The following IMPDH2 variants were observed in gnomAD, a reference collection of about 807,000 sequenced individuals.
IMPDH2 encodes the protein inosine monophosphate dehydrogenase 2.
IMPDH2 carries 33 observed loss-of-function variants against 57.8 expected under a neutral mutation model. That is an observed-to-expected ratio of 0.57 (90% CI 0.43 to 0.76). The LOEUF (loss-of-function observed/expected upper bound fraction) is 0.76, where lower values mean the gene tolerates loss of function less well. Ranked by LOEUF, IMPDH2 falls within the 30% of genes least tolerant of loss-of-function variation. IMPDH2 has a pLI of 0.00. For synonymous variants in IMPDH2, 270 were observed against 241.3 expected, an observed-to-expected ratio of 1.12 and a Z score of -1.10; for missense variants, 446 against 659.1, an observed-to-expected ratio of 0.68 and a Z score of 3.54.
At position 49,029,321 on chromosome 3, in the gene IMPDH2, C is replaced by T. The variant is rs148437510; in HGVS notation, c.30G>A (p.Thr10=). MADYLISGG[T]SYVPDDGLTA... Reference sequence around the variant, plus strand: ...TGAGTCCGTCGTCTGGCACGTAGGACGTGCCCCCACTAATCAGGTAGTCGG... The same window carrying T: ...TGAGTCCGTCGTCTGGCACGTAGGATGTGCCCCCACTAATCAGGTAGTCGG... Residue 10 remains threonine, a synonymous_variant, in exon 1 of 14, where the codon ACG becomes ACA. Coordinates refer to ENST00000326739, the MANE Select transcript of IMPDH2 (RefSeq NM_000884.3). 5.0e-6 allele frequency: 8 copies of T among 1,604,652 alleles called. No homozygotes were observed. The highest frequency in any genetic ancestry group is 1.7e-5 in the Admixed American group (1 of 58,216).
chr3:49,028,039 A>G, intron 4 of IMPDH2, 123 bp from the exon 5 acceptor site: 5 of 840,646 alleles, frequency 5.9e-6, no homozygotes, highest in Admixed American at 2.1e-5. Flanking sequence ...AAATCACACC[A>G]ACACATCTTA....
intron 4 of IMPDH2, 51 bp downstream of exon 4, chr3:49,028,194 CCCA>C (rs2093207696): frequency 7.0e-7 from 1 of 1,437,810 alleles, no homozygotes; most frequent in Non-Finnish European, 9.8e-7. Context: ...CCCACCCCAC[CCCA>C]CCTCAGTGCA....
Position 49,026,316 on chromosome 3 carries a change from A to G in IMPDH2, c.1006+8T>C. 1 of 1,591,962 alleles carries G rather than the reference A, an allele frequency of 6.3e-7. No homozygotes were observed. The highest frequency in any genetic ancestry group is 8.6e-7 in the Non-Finnish European group (1 of 1,164,390). On this transcript the variant is annotated splice_region_variant and intron_variant, in intron 9 of 13. Coordinates refer to ENST00000326739, the MANE Select transcript of IMPDH2 (RefSeq NM_000884.3). Reference sequence around the variant, plus strand: ...GTCTCTGTGGGCCCTATCAAAGTATATTCTTACCTTCCTGCGTAATGCAGA... The same window carrying G: ...GTCTCTGTGGGCCCTATCAAAGTATGTTCTTACCTTCCTGCGTAATGCAGA...
chr3:49,028,917 G>C, intron 1 of IMPDH2, 111 bp from the exon 2 acceptor site: 1 of 871,616 alleles, frequency 1.1e-6, no homozygotes, highest in Non-Finnish European at 1.9e-6. Flanking sequence ...GAGTGGCACT[G>C]ACAGAGTCTG....
Position 49,027,862 on chromosome 3 carries a change from C to G in IMPDH2, c.379G>C (p.Val127Leu), listed in dbSNP as rs370186875. 1.9e-6 allele frequency: 3 copies of G among 1,614,188 alleles called. No homozygotes were observed. The highest frequency in any genetic ancestry group is 2.2e-5 in the East Asian group (1 of 44,884). ...GCCTTGGCCTCAAAAACATCCCGCA[C>G]GCGATCCTTGGGGCTGAGGACCACA... ...DPVVLSPKDR[V>L]RDVFEAKARH... Residue 127 changes from valine (V) to leucine (L), a missense_variant, in exon 5 of 14, where the codon GTG (valine) becomes CTG (leucine). Val to Leu is a conservative substitution (Grantham distance 32, BLOSUM62 1). Coordinates refer to ENST00000326739, the MANE Select transcript of IMPDH2 (RefSeq NM_000884.3).
intron 9 of IMPDH2, 80 bp downstream of exon 9, chr3:49,026,243 TC>T (rs2093198884): frequency 1.0e-5 from 11 of 1,058,228 alleles, no homozygotes; most frequent in Non-Finnish European, 1.6e-5. Context: ...GGCTCTATTG[TC>T]CCCATAAGAG....
Position 49,027,067 on chromosome 3 carries a change from TGAA to T in IMPDH2, c.532-23_532-21del, listed in dbSNP as rs1165014007. On this transcript the variant is annotated intron_variant, in intron 5 of 13. Coordinates refer to ENST00000326739, the MANE Select transcript of IMPDH2 (RefSeq NM_000884.3). The stretch of plus-strand genomic sequence containing the variant: ...CATTATCTACGTGGGAGGTGAGATG[TGAA>T]GAAGGGCCAGTCATCGACTATGACC... 5 of 1,557,212 alleles carry T rather than the reference TGAA, an allele frequency of 3.2e-6. No homozygotes were observed. The highest frequency in any genetic ancestry group is 4.4e-6 in the Non-Finnish European group (5 of 1,128,214).
In IMPDH2 at chr3:49,024,989, A is replaced by T. The variant is rs1193569034; in HGVS notation, c.1202T>A (p.Phe401Tyr). Reference protein sequence around the residue: ...AATTEAPGEYFFSDGIRLKKY... With the variant: ...AATTEAPGEYYFSDGIRLKKY... ...CTTTAGCCGGATCCCATCGGAAAAG[A>T]AGTATTCACCAGGGGCCTCAGTGGT... Residue 401 changes from phenylalanine (F) to tyrosine (Y), a missense_variant, in exon 11 of 14, where the codon TTC becomes TAC. Transcript: ENST00000326739. 2 of 1,614,120 alleles carry T rather than the reference A, an allele frequency of 1.2e-6. No individual in the cohort carries two copies. The highest frequency in any genetic ancestry group is 1.7e-5 in the Admixed American group (1 of 60,008).
chr3:49,026,411 C>T lies in IMPDH2; in HGVS notation c.919G>A (p.Ala307Thr), dbSNP rs768864324. ...TCAATGAGGTTCTTGGCCTGGGCAG[C>T]AGTGACCACTATGGTGAAGGAAAGG... ...LQVIGGNVVTAAQAKNLIDAG... is the reference protein window; with the variant it reads ...LQVIGGNVVTTAQAKNLIDAG... Residue 307 changes from alanine to threonine, a missense_variant, in exon 9 of 14, where the codon GCT (alanine) becomes ACT (threonine). Coordinates refer to ENST00000326739, the MANE Select transcript of IMPDH2 (RefSeq NM_000884.3). 6.2e-7 allele frequency: 1 copy of T among 1,613,570 alleles called. No homozygotes were observed. The highest frequency in any genetic ancestry group is 8.5e-7 in the Non-Finnish European group (1 of 1,179,704).
Position 49,027,850 on chromosome 3 carries a change from A to G in IMPDH2, c.391T>C (p.Phe131Leu). ...LSPKDRVRDV[F>L]EAKARHGFCG... is the part of the protein sequence containing the mutation. ...AAACCATGCCGGGCCTTGGCCTCAA[A>G]AACATCCCGCACGCGATCCTTGGGG... Residue 131 changes from phenylalanine to leucine, a missense_variant, in exon 5 of 14, where the codon TTT becomes CTT. Coordinates refer to ENST00000326739, the MANE Select transcript of IMPDH2 (RefSeq NM_000884.3). 6.2e-7 allele frequency: 1 copy of G among 1,614,220 alleles called. No individual in the cohort carries two copies.
In IMPDH2 at chr3:49,026,972, G is replaced by A. The variant is rs769004042; in HGVS notation, c.607C>T (p.Arg203Cys). The change falls in exon 6 of 14, where the codon CGC (arginine) becomes TGC (cysteine). Residue 203 changes from arginine (R) to cysteine (C), a missense_variant. Transcript: ENST00000326739. Reference protein sequence around the residue: ...TLKEANEILQRSKKGKLPIVN... With the variant: ...TLKEANEILQCSKKGKLPIVN... ...CTCTAGGACTTACCCTTCTTGCTGCGCTGCAGAATTTCATTTGCCTCCTTC... is the reference window on the plus strand; with the variant it reads ...CTCTAGGACTTACCCTTCTTGCTGCACTGCAGAATTTCATTTGCCTCCTTC... 5.0e-6 allele frequency: 8 copies of A among 1,613,894 alleles called. No individual in the cohort carries two copies. Among genetic ancestry groups the A allele is most frequent in the Non-Finnish European group, 5.9e-6 (7 of 1,179,818 alleles).
Position 49,026,904 on chromosome 3 carries a change from C to T in IMPDH2, c.620-18G>A. 1 of 1,614,100 alleles carries T rather than the reference C, an allele frequency of 6.2e-7. No individual in the cohort carries two copies. The highest frequency in any genetic ancestry group is 8.5e-7 in the Non-Finnish European group (1 of 1,179,916). On this transcript the variant is annotated intron_variant, in intron 6 of 13. Coordinates refer to ENST00000326739, the MANE Select transcript of IMPDH2 (RefSeq NM_000884.3). ...CAACTTTCCTGTGGTCAGGGCAGGA[C>T]ATGAATCAGGACCCTAGGCATTAGT...
At position 49,026,801 on chromosome 3, in the gene IMPDH2, T is replaced by C. The variant is rs779658190; in HGVS notation, c.705A>G (p.Leu235=). ...TDLKKNRDYP[L]ASKDAKKQLL... ...GCTGTTTCTTGGCATCTTTGGAGGC[T>C]AGTGGGTAGTCCCGATTCTTCTTCA... The change falls in exon 7 of 14, where the codon CTA becomes CTG. Residue 235 remains leucine (L), a synonymous_variant. Coordinates refer to ENST00000326739, the MANE Select transcript of IMPDH2 (RefSeq NM_000884.3). 43 of 1,614,234 alleles carry C rather than the reference T, an allele frequency of 2.7e-5. No individual in the cohort carries two copies. The highest frequency in any genetic ancestry group is 1.6e-4 in the Middle Eastern group (1 of 6,062).
chr3:49,024,617 T>G (rs1177292922), intron 12 of IMPDH2, 39 bp from the exon 13 acceptor site: 1 of 1,614,080 alleles, frequency 6.2e-7, no homozygotes, highest in South Asian at 1.1e-5. Context: ...TAGCTGGCCC[T>G]GGACCAGCCC....
rs1575310342 is a variant in IMPDH2 at position 49,026,914 on chromosome 3, G to A, written c.620-28C>T. The A allele has an allele frequency of 2.5e-6, 4 of 1,613,750 alleles. No individual in the cohort carries two copies. The African/African-American group carries it at 4.0e-5, about 16-fold the overall frequency. ...GTGGTCAGGGCAGGACATGAATCAG[G>A]ACCCTAGGCATTAGTTCCAGGCCCT... On this transcript the variant is annotated intron_variant, in intron 6 of 13. Coordinates refer to ENST00000326739, the MANE Select transcript of IMPDH2 (RefSeq NM_000884.3).
At chr3:49,027,124 A>AG (rs1394471836) in intron 5 of IMPDH2, 77 bp from the exon 6 acceptor site, 1 of 1,153,892 alleles carries the variant, frequency 8.7e-7, no homozygotes, top group African/African-American at 1.5e-5. Flanking sequence ...CTTCCCAAGT[A>AG]GCTGAGCTCA....
intron 13 of IMPDH2, 26 bp downstream of exon 13, chr3:49,024,469 G>A (rs1462345533): frequency 3.7e-6 from 6 of 1,613,840 alleles, no homozygotes; most frequent in African/African-American, 1.3e-5. Flanking sequence ...TATGGCAGAG[G>A]CCCCACCAAG....
At chr3:49,029,218 C>T (rs1188372147) in intron 1 of IMPDH2, 35 bp downstream of exon 1, 3 of 1,516,086 alleles carry the variant, frequency 2.0e-6, no homozygotes, top group South Asian at 2.4e-5. Flanking sequence ...GGTGCCGCCC[C>T]TCTCTTCGCC....
In IMPDH2 at chr3:49,029,293, CTG is replaced by C. The variant is rs755567324; in HGVS notation, c.56_57del (p.Thr19SerfsTer15). 3 of 1,608,440 alleles carry C rather than the reference CTG, an allele frequency of 1.9e-6. No individual in the cohort carries two copies. The highest frequency in any genetic ancestry group is 3.4e-5 in the Admixed American group (2 of 58,988). The stretch of plus-strand genomic sequence containing the variant: ...TCTCCGCAGTTGAAGAGCTGCTGTG[CTG>C]TGAGTCCGTCGTCTGGCACGTAGGA... ...GTSYVPDDGL[T>X]AQQLFNCGDG... On this transcript the variant is annotated frameshift_variant, in exon 1 of 14. Transcript: ENST00000326739. LOFTEE classifies it high-confidence loss of function.
Sources: gnomAD v4.1 joint callset for allele counts on GRCh38, gnomAD v4.1.1 for gene constraint, MANE v1.5 for transcripts, NCBI Gene and HGNC (gene_info 2026-07-23, HGNC 2026-07-21) for gene names.